Variants in THUMPD2 observed in about 807,000 individuals in gnomAD.
The protein encoded by THUMPD2 is U6 snRNA (guanine-N(2))-methyltransferase THUMPD2.
THUMPD2 carries 56 observed loss-of-function variants against 49.4 expected under a neutral mutation model. The observed-to-expected ratio is 1.13, with a 90% CI of 0.91 to 1.41. The LOEUF (loss-of-function observed/expected upper bound fraction) is 1.41, where lower values mean the gene tolerates loss of function less well. THUMPD2 is among the 40% of genes most tolerant of loss of function. The pLI is 0.00. For synonymous variants in THUMPD2, 237 were observed against 205.2 expected, an observed-to-expected ratio of 1.15 and a Z score of -1.32; for missense variants, 709 against 594.5, an observed-to-expected ratio of 1.19 and a Z score of -2.00.
At chr2:39,759,814 G>A (rs953507878) in intron 6 of THUMPD2, among the ~76,000 whole-genome samples, 4 of 152,178 alleles carry the variant, frequency 2.6e-5, no homozygotes, top group African/African-American at 9.7e-5. Context: ...AGCCAAGATA[G>A]AGATACCCAG....
At chr2:39,778,908 C>T (rs774133487) in intron 1 of THUMPD2, among the ~76,000 whole-genome samples, 23 of 152,222 alleles carry the variant, frequency 1.5e-4, no homozygotes, top group Non-Finnish European at 3.2e-4. Flanking sequence ...AAGTGAGGAA[C>T]TGGATTTGCT....
intron 1 of THUMPD2, among the ~76,000 whole-genome samples, chr2:39,773,571 T>C (rs1268038641): frequency 1.5e-4 from 6 of 39,158 alleles, no homozygotes; most frequent in African/African-American, 7.8e-4. Flanking sequence ...ATATATATAT[T>C]TATATTTTAA....
intron 5 of THUMPD2, among the ~76,000 whole-genome samples, chr2:39,761,656 C>T (rs1676841554): frequency 6.6e-6 from 1 of 152,116 alleles, no homozygotes; most frequent in Non-Finnish European, 1.5e-5. Flanking sequence ...CTGAAATTTA[C>T]ACTCTCACGT....
chr2:39,736,525 C>T lies in THUMPD2; in HGVS notation c.*210G>A, dbSNP rs772014039. 3 of 431,278 alleles carry T rather than the reference C, an allele frequency of 7.0e-6. No individual in the cohort carries two copies. The highest frequency in any genetic ancestry group is 6.7e-5 in the South Asian group (1 of 15,006). The allele number at this position is 431,278 out of a possible 1,614,324, so 26.7% of individuals were successfully genotyped here. On this transcript the variant is annotated 3_prime_UTR_variant, in exon 10 of 10. Coordinates refer to ENST00000505747, the MANE Select transcript of THUMPD2 (RefSeq NM_025264.5). ...ATAAAACTTAAGTCTAAAAAATATT[C>T]GATAACTTTTTTCTCAAAAACATTA...
At chr2:39,747,488 G>A (rs559206384) in intron 8 of THUMPD2, among the ~76,000 whole-genome samples, 2 of 152,110 alleles carry the variant, frequency 1.3e-5, no homozygotes, top group Non-Finnish European at 2.9e-5. Flanking sequence ...ACAGTTTATA[G>A]TCCAAATGAA....
chr2:39,752,770 T>C (rs1675584857), intron 8 of THUMPD2, among the ~76,000 whole-genome samples: 1 of 152,196 alleles, frequency 6.6e-6, no homozygotes, highest in African/African-American at 2.4e-5. Flanking sequence ...GAAAGGTAAA[T>C]TTAAGCAAAC....
rs1675964478 is a variant in THUMPD2, at chr2:39,755,368, T to C, written c.1005A>G (p.Leu335=). ...YVGADVSDSQ[L]LGTWDNLKAA... ...CTTTCAGATTGTCCCAAGTACCTAG[T>C]AACTGTGAGTCGCTGACATCAGCAC... Residue 335 remains leucine, a synonymous_variant, in exon 8 of 10, where the codon TTA becomes TTG. Coordinates refer to ENST00000505747, the MANE Select transcript of THUMPD2 (RefSeq NM_025264.5). The C allele has an allele frequency of 6.4e-7, 1 of 1,558,986 alleles. No individual in the cohort carries two copies. The highest frequency in any genetic ancestry group is 8.6e-7 in the Non-Finnish European group (1 of 1,162,058).
Position 39,737,096 on chromosome 2 carries a change from C to T in THUMPD2, c.1188-37G>A, listed in dbSNP as rs376611135. ...AAAAAATGGTAATTGCTATCTTTCT[C>T]CTTTCTAGACAACAAACAATCCCAC... On this transcript the variant is annotated intron_variant, in intron 9 of 9. Coordinates refer to ENST00000505747, the MANE Select transcript of THUMPD2 (RefSeq NM_025264.5). The T allele has an allele frequency of 5.2e-4, 798 of 1,528,974 alleles. 1 individual carries two copies. The highest frequency in any genetic ancestry group is 7.0e-4 in the Admixed American group (34 of 48,566). 94.7% of individuals were successfully genotyped at this position (1,528,974 alleles called of 1,614,324 possible).
chr2:39,766,149 C>T, intron 4 of THUMPD2, 40 bp from the exon 5 acceptor site: 1 of 1,405,342 alleles, frequency 7.1e-7, no homozygotes, highest in Non-Finnish European at 9.6e-7. Context: ...GAACAAGAAA[C>T]TTCATTACCA....
At chr2:39,740,294 T>A (rs945799933) in intron 9 of THUMPD2, among the ~76,000 whole-genome samples, 1 of 152,230 alleles carries the variant, frequency 6.6e-6, no homozygotes, top group Admixed American at 6.5e-5. Context: ...TACATACATA[T>A]AATGTGGCAA....
chr2:39,736,600 C>T lies in THUMPD2; in HGVS notation c.*135G>A. ...ACTCTTACCAAGCATGTGTACCCAT[C>T]AGCCACACCTCCTGTCTTTGGGGGA... On this transcript the variant is annotated 3_prime_UTR_variant, in exon 10 of 10. Transcript: ENST00000505747. 1 of 696,826 alleles carries T rather than the reference C, an allele frequency of 1.4e-6. No individual in the cohort carries two copies. Among genetic ancestry groups the T allele is most frequent in the Non-Finnish European group, 2.3e-6 (1 of 425,758 alleles). The allele number at this position is 696,826 out of a possible 1,614,324, so 43.2% of individuals were successfully genotyped here.
chr2:39,772,483 A>C (rs900909571), intron 1 of THUMPD2, among the ~76,000 whole-genome samples: 1 of 152,160 alleles, frequency 6.6e-6, no homozygotes. Context: ...ATGATGAGAT[A>C]CTTGGCTGCA....
intron 9 of THUMPD2, among the ~76,000 whole-genome samples, chr2:39,742,212 G>T (rs1477512436): frequency 6.6e-6 from 1 of 152,074 alleles, no homozygotes; most frequent in Non-Finnish European, 1.5e-5. Context: ...AAAAACAAAA[G>T]TCAGACATAA....
At chr2:39,756,000 C>A (rs1159126864) in intron 6 of THUMPD2, 40 bp from the exon 7 acceptor site, 1 of 1,556,348 alleles carries the variant, frequency 6.4e-7, no homozygotes, top group South Asian at 1.1e-5. Context: ...TTAAGACTAC[C>A]ATAGTACGTA....
intron 8 of THUMPD2, among the ~76,000 whole-genome samples, chr2:39,744,940 ATATC>A (rs1368301688): frequency 5.3e-5 from 8 of 152,168 alleles, no homozygotes; most frequent in Admixed American, 1.3e-4. Context: ...AAGGTTAAGA[ATATC>A]TATTAAGTCC....
intron 1 of THUMPD2, among the ~76,000 whole-genome samples, 197 bp from the exon 2 acceptor site, chr2:39,771,837 G>T (rs1220111166): frequency 3.9e-5 from 6 of 152,012 alleles, no homozygotes; most frequent in Admixed American, 6.6e-5. Context: ...AGGTAGATTC[G>T]ATCACCACCA....
intron 9 of THUMPD2, among the ~76,000 whole-genome samples, chr2:39,741,399 G>T (rs1381117376): frequency 6.6e-6 from 1 of 152,160 alleles, no homozygotes; most frequent in African/African-American, 2.4e-5. Context: ...ATATAAACAT[G>T]ATGTGGTCTC....
chr2:39,765,871 G>C (rs1304711494), intron 5 of THUMPD2, among the ~76,000 whole-genome samples, 186 bp downstream of exon 5: 1 of 152,070 alleles, frequency 6.6e-6, no homozygotes, highest in Non-Finnish European at 1.5e-5. Flanking sequence ...AGCTCTAACT[G>C]GTCAGTTCAA....
chr2:39,755,273 T>C (rs768597940), intron 8 of THUMPD2, 22 bp downstream of exon 8: 20 of 1,373,968 alleles, frequency 1.5e-5, no homozygotes, highest in Non-Finnish European at 1.9e-5. Context: ...TTCTCAATTG[T>C]TTTGCATTTT....
Sources: gnomAD v4.1 joint callset for allele counts (sites outside exome capture counted in the v4.1 genomes callset) on GRCh38, gnomAD v4.1.1 for gene constraint, MANE v1.5 for transcripts, NCBI Gene and HGNC (gene_info 2026-07-23, HGNC 2026-07-21) for gene names.